PIK3CD: variants seen among roughly 807,000 people sequenced by gnomAD.
PIK3CD encodes phosphatidylinositol-4,5-bisphosphate 3-kinase catalytic subunit delta, also known as phosphatidylinositol 4,5-bisphosphate 3-kinase catalytic subunit delta isoform.
A neutral mutation model predicts 122.9 loss-of-function variants in PIK3CD; 20 were observed. The ratio of observed to expected loss-of-function variants is 0.16; its 90% CI spans 0.11 to 0.24. PIK3CD has a LOEUF of 0.24. Ranked by LOEUF, PIK3CD falls within the 10% of genes least tolerant of loss-of-function variation. The pLI, the probability that PIK3CD is intolerant of heterozygous loss-of-function variation, is 1.00. For missense variants in PIK3CD, 787 were observed against 1,406.3 expected, an observed-to-expected ratio of 0.56 and a Z score of 7.04; for synonymous variants, 596 against 593.4, an observed-to-expected ratio of 1.00 and a Z score of -0.06.
chr1:9,642,893 C>G, the PIK3CD span, among the ~76,000 whole-genome samples: 1 of 150,630 alleles, frequency 6.6e-6, no homozygotes, highest in African/African-American at 2.4e-5. Flanking sequence ...GAGTTCAAGA[C>G]CAGCCTGGGC....
chr1:9,716,828 C>A, intron 6 of PIK3CD, 131 bp from the exon 7 acceptor site: 6 of 1,367,066 alleles, frequency 4.4e-6, no homozygotes, highest in Non-Finnish European at 6.2e-6. Context: ...GCAGGAAAAA[C>A]CAGCAGGAAG....
rs1324772025 is a variant in PIK3CD, at chr1:9,700,474, ATCCTGTT to A, written c.-33+8908_-33+8914del. 6.6e-6 allele frequency among the ~76,000 whole-genome samples: 1 copy of A among 152,180 alleles called. No individual in the cohort carries two copies. The highest frequency in any genetic ancestry group is 2.4e-5 in the African/African-American group (1 of 41,446). Reference sequence around the variant, plus strand: ...GGAAGGTGAAAGGAATTGTGTTCTTATCCTGTTTCCTTGGATATTTTATGAGTGACTT... The same window carrying A: ...GGAAGGTGAAAGGAATTGTGTTCTTATCCTTGGATATTTTATGAGTGACTT... On this transcript the variant is annotated intron_variant, in intron 2 of 23. Transcript: ENST00000377346. The surrounding 1 kb of genome is among the most constrained non-coding windows in gnomAD (Gnocchi z 5.1).
In PIK3CD at chr1:9,724,546, A is replaced by C; in HGVS notation, c.2864+125A>C. The C allele has an allele frequency of 8.7e-7, 1 of 1,152,418 alleles. No individual in the cohort carries two copies. The highest frequency in any genetic ancestry group is 1.3e-6 in the Non-Finnish European group (1 of 782,850). The allele number at this position is 1,152,418 out of a possible 1,614,324, so 71.4% of individuals were successfully genotyped here. A position where few individuals can be genotyped will look rare whatever the true frequency, so the allele number is the denominator to read the frequency against. On this transcript the variant is annotated intron_variant, in intron 22 of 23. Coordinates refer to ENST00000377346, the MANE Select transcript of PIK3CD (RefSeq NM_005026.5). This position sits in a 1 kb window ranked among gnomAD's most constrained non-coding sequence, Gnocchi z 7.3. ...ACCCCACACCTGGCCCCTCACCCCA[A>C]CTGTTGATGGGTTTGGAACATGCCC... is the stretch of plus-strand genomic sequence containing the variant.
chr1:9,649,077 G>C (rs535902286), upstream of PIK3CD, among the ~76,000 whole-genome samples: 41 of 150,300 alleles, frequency 2.7e-4, no homozygotes, highest in Non-Finnish European at 3.7e-4. Context: ...ACTCCAGCCT[G>C]GGTGACAGAG....
At chr1:9,661,726 G>A (rs1034985458) in intron 1 of PIK3CD, among the ~76,000 whole-genome samples, 4 of 152,208 alleles carry the variant, frequency 2.6e-5, no homozygotes, top group African/African-American at 7.2e-5. Context: ...GCCGGGCGCG[G>A]TGGCTCACGC....
chr1:9,629,129 G>A, the PIK3CD span, among the ~76,000 whole-genome samples: 4 of 152,136 alleles, frequency 2.6e-5, no homozygotes, highest in African/African-American at 9.7e-5. Flanking sequence ...ACGCCTCTAA[G>A]GACTGGGGCT....
chr1:9,646,691 G>A, the PIK3CD span, among the ~76,000 whole-genome samples: 3 of 152,204 alleles, frequency 2.0e-5, no homozygotes, highest in African/African-American at 4.8e-5. Flanking sequence ...GGTGGCTCAC[G>A]CCTGTGGTCC....
intron 1 of PIK3CD, among the ~76,000 whole-genome samples, chr1:9,687,770 G>A (rs111786642): frequency 5.1e-4 from 77 of 152,342 alleles, no homozygotes; most frequent in African/African-American, 1.7e-3. Context: ...GATTGCGCCT[G>A]TGTCTGTGTG....
intron 1 of PIK3CD, among the ~76,000 whole-genome samples, chr1:9,675,045 A>G (rs558936114): frequency 1.4e-5 from 2 of 145,920 alleles, no homozygotes; most frequent in African/African-American, 2.5e-5. Flanking sequence ...AAAGAGAGAG[A>G]GAGAAAGAAA....
chr1:9,716,266 C>T (rs1204938944), intron 5 of PIK3CD, 174 bp from the exon 6 acceptor site: 9 of 813,304 alleles, frequency 1.1e-5, no homozygotes, highest in Non-Finnish European at 1.8e-5. Flanking sequence ...GCAGGATAAC[C>T]AAGTGGCGTG....
intron 1 of PIK3CD, among the ~76,000 whole-genome samples, chr1:9,678,585 G>C: frequency 6.6e-6 from 1 of 152,156 alleles, no homozygotes; most frequent in Non-Finnish European, 1.5e-5. Context: ...TCCAGAAAAA[G>C]GCTCTTTCAT....
intron 1 of PIK3CD, among the ~76,000 whole-genome samples, chr1:9,660,048 T>C (rs1644966740): frequency 6.6e-6 from 1 of 152,232 alleles, no homozygotes; most frequent in Non-Finnish European, 1.5e-5. Flanking sequence ...CCCAAGTAGC[T>C]GGGATTACAG....
chr1:9,713,957 A>G (rs916278546), intron 3 of PIK3CD, among the ~76,000 whole-genome samples: 1 of 150,274 alleles, frequency 6.7e-6, no homozygotes, highest in Admixed American at 6.7e-5. Flanking sequence ...GGCTCAAATG[A>G]TTCCCCCATC....
chr1:9,687,161 C>T lies in PIK3CD; in HGVS notation c.-137-4306C>T, dbSNP rs527908770. On this transcript the variant is annotated intron_variant, in intron 1 of 23. Transcript: ENST00000377346. ...ACCTTGTGTTTGAGCTTGACTTTCC[C>T]TCCATCCATGCTGGAGATAAACGGA... 2.6e-5 allele frequency among the ~76,000 whole-genome samples: 4 copies of T among 152,310 alleles called. No homozygotes were observed. In the East Asian group the frequency reaches 7.7e-4, roughly 29 times the overall value.
At chr1:9,654,507 A>T in intron 1 of PIK3CD, 7 of 591,862 alleles carry the variant, frequency 1.2e-5, no homozygotes, top group Non-Finnish European at 1.7e-5. Context: ...CTTTCGCACA[A>T]CTGTCCGATG....
chr1:9,670,868 A>C (rs1454896764), intron 1 of PIK3CD, among the ~76,000 whole-genome samples: 1 of 150,160 alleles, frequency 6.7e-6, no homozygotes, highest in African/African-American at 2.5e-5. Flanking sequence ...AGCGATTCTC[A>C]TGCCTCAGCC....
At chr1:9,692,114 G>T (rs1646216429) in intron 2 of PIK3CD, among the ~76,000 whole-genome samples, 1 of 152,188 alleles carries the variant, frequency 6.6e-6, no homozygotes, top group Non-Finnish European at 1.5e-5. Flanking sequence ...TGCAAATGAG[G>T]ACACTGAGGC....
intron 1 of PIK3CD, among the ~76,000 whole-genome samples, chr1:9,664,561 C>T (rs1645104450): frequency 2.0e-5 from 3 of 152,164 alleles, no homozygotes; most frequent in South Asian, 2.1e-4. Flanking sequence ...CAATTCGACC[C>T]TTAGAGCTGA....
chr1:9,662,846 G>A lies in PIK3CD; in HGVS notation c.-138+11044G>A, dbSNP rs199539494. Among the ~76,000 whole-genome samples, 33 of 152,140 alleles carry A rather than the reference G, an allele frequency of 2.2e-4. 1 individual carries two copies. The East Asian group carries it at 6.4e-3, about 29-fold the overall frequency. ...TGGGATTACAGGTGCATGCCACCAC[G>A]CCTGGCTAATTTTTGTATTTTTAGT... On this transcript the variant is annotated intron_variant, in intron 1 of 23. Coordinates refer to ENST00000377346, the MANE Select transcript of PIK3CD (RefSeq NM_005026.5).
Sources: allele counts gnomAD v4.1 joint callset (sites outside exome capture counted in the v4.1 genomes callset), GRCh38; gene constraint gnomAD v4.1.1; non-coding constraint Gnocchi (gnomAD v3.1); transcripts MANE v1.5; gene names NCBI Gene and HGNC (gene_info 2026-07-23, HGNC 2026-07-21).